The following MVB12B variants were observed in gnomAD, a reference collection of about 807,000 sequenced individuals.
MVB12B encodes the protein ESCRT-I complex subunit MVB12B.
A neutral mutation model predicts 41.6 loss-of-function variants in MVB12B; 16 were observed. The ratio of observed to expected loss-of-function variants is 0.38; its 90% CI spans 0.26 to 0.58. The LOEUF is 0.58. Ranked by LOEUF, MVB12B falls within the 20% of genes least tolerant of loss-of-function variation. The probability of loss-of-function intolerance (pLI) is 0.62; values close to 1 mark genes in which losing one functional copy is unlikely to be tolerated. For missense variants in MVB12B, 274 were observed against 380.2 expected, an observed-to-expected ratio of 0.72 and a Z score of 2.32; for synonymous variants, 133 against 139.7, an observed-to-expected ratio of 0.95 and a Z score of 0.34.
At chr9:126,502,992 A>G (rs28562924) in intron 9 of MVB12B, among the ~76,000 whole-genome samples, 185 bp from the exon 10 acceptor site, 39,988 of 152,146 alleles carry the variant, frequency 0.26, 5,342 homozygotes, top group South Asian at 0.29. Context: ...CACACACGCC[A>G]CATGCACAGT....
intron 2 of MVB12B, among the ~76,000 whole-genome samples, chr9:126,344,682 C>T (rs916402601): frequency 4.6e-5 from 7 of 152,242 alleles, no homozygotes; most frequent in Non-Finnish European, 8.8e-5. Context: ...TCCTTTTGTG[C>T]TGCCATGACG....
intron 7 of MVB12B, among the ~76,000 whole-genome samples, chr9:126,442,612 G>A (rs1832667366): frequency 6.6e-6 from 1 of 152,146 alleles, no homozygotes; most frequent in Non-Finnish European, 1.5e-5. Flanking sequence ...TTCCAATTTG[G>A]TGACCGTGGA....
Position 126,391,918 on chromosome 9 carries a change from CG to C in MVB12B, c.410-146del. 1 of 904,354 alleles carries C rather than the reference CG, an allele frequency of 1.1e-6. No individual in the cohort carries two copies. The highest frequency in any genetic ancestry group is 1.7e-5 in the African/African-American group (1 of 60,420). 56.0% of individuals were successfully genotyped at this position (904,354 alleles called of 1,614,324 possible). Reference sequence around the variant, plus strand: ...TGACTGCAGCCCCGGGGAAGGCAGGCGGCAGAGCGCAGCCCTTCTGTCCAGC... The same window carrying C: ...TGACTGCAGCCCCGGGGAAGGCAGGCGCAGAGCGCAGCCCTTCTGTCCAGC... On this transcript the variant is annotated intron_variant, in intron 4 of 9. Coordinates refer to ENST00000361171, the MANE Select transcript of MVB12B (RefSeq NM_033446.3). This position sits in a 1 kb window ranked among gnomAD's most constrained non-coding sequence, Gnocchi z 4.4.
intron 2 of MVB12B, among the ~76,000 whole-genome samples, chr9:126,347,060 C>G (rs998676829): frequency 1.3e-5 from 2 of 152,090 alleles, no homozygotes; most frequent in African/African-American, 4.8e-5. Context: ...GATGCCATGA[C>G]TCCCTTTGTT....
chr9:126,466,314 G>A (rs1345742651), intron 7 of MVB12B, among the ~76,000 whole-genome samples: 2 of 152,104 alleles, frequency 1.3e-5, no homozygotes, highest in Non-Finnish European at 2.9e-5. Context: ...CTGTGTACTT[G>A]GCCGACCCAG....
intron 6 of MVB12B, among the ~76,000 whole-genome samples, chr9:126,410,669 G>A (rs1463294597): frequency 6.6e-6 from 1 of 152,058 alleles, no homozygotes; most frequent in Non-Finnish European, 1.5e-5. Flanking sequence ...TCTGACTCCC[G>A]GAGCCTCCGT....
intron 9 of MVB12B, among the ~76,000 whole-genome samples, chr9:126,500,700 C>T (rs554200432): frequency 6.6e-5 from 10 of 152,356 alleles, no homozygotes; most frequent in African/African-American, 1.7e-4. Context: ...TAACTATCCA[C>T]GCCGTAGGCC....
intron 6 of MVB12B, among the ~76,000 whole-genome samples, chr9:126,421,152 G>A (rs549628446): frequency 6.6e-6 from 1 of 152,256 alleles, no homozygotes; most frequent in East Asian, 1.9e-4. Context: ...CAAATGGATT[G>A]TTTACTTTTG....
chr9:126,339,431 A>G (rs1829376065), intron 1 of MVB12B, among the ~76,000 whole-genome samples: 1 of 152,110 alleles, frequency 6.6e-6, no homozygotes, highest in Admixed American at 6.5e-5. Context: ...TGTCCTTTTA[A>G]AAGTACTTAG....
In MVB12B at chr9:126,419,161, G is replaced by A. The variant is rs142311774; in HGVS notation, c.663-2693G>A. Among the ~76,000 whole-genome samples, 57 of 152,208 alleles carry A rather than the reference G, an allele frequency of 3.7e-4. 1 individual carries two copies. The highest frequency in any genetic ancestry group is 1.1e-3 in the African/African-American group (46 of 41,516). On this transcript the variant is annotated intron_variant, in intron 6 of 9. Transcript: ENST00000361171. ...GCTTCTAGCTCCTGGAGTGTTTACC[G>A]CACTGCACAAATCGCTCTGCATCCT...
chr9:126,494,531 T>C (rs985457453), intron 9 of MVB12B, among the ~76,000 whole-genome samples: 1 of 152,248 alleles, frequency 6.6e-6, no homozygotes, highest in Non-Finnish European at 1.5e-5. Flanking sequence ...TCTCGCCTTT[T>C]GCATGTCCTT....
intron 6 of MVB12B, among the ~76,000 whole-genome samples, chr9:126,409,147 A>G (rs1196046052): frequency 6.6e-6 from 1 of 152,032 alleles, no homozygotes; most frequent in African/African-American, 2.4e-5. Flanking sequence ...TTTTGAACCC[A>G]AGAGTTAAAT....
At chr9:126,491,113 C>T (rs934737162) in intron 9 of MVB12B, among the ~76,000 whole-genome samples, 2 of 152,112 alleles carry the variant, frequency 1.3e-5, no homozygotes, top group Admixed American at 1.3e-4. Flanking sequence ...AGCTTGGGGC[C>T]GATTCCACTA....
At chr9:126,364,193 A>G (rs1000400659) in intron 2 of MVB12B, among the ~76,000 whole-genome samples, 1 of 152,228 alleles carries the variant, frequency 6.6e-6, no homozygotes, top group Non-Finnish European at 1.5e-5. Context: ...ACAGCTGGCA[A>G]TGTGCTTTGA....
intron 9 of MVB12B, among the ~76,000 whole-genome samples, chr9:126,493,522 A>G (rs904452107): frequency 2.6e-5 from 4 of 152,174 alleles, no homozygotes; most frequent in East Asian, 1.9e-4. Context: ...TCACAGGACT[A>G]TTCTTCCAGT....
At chr9:126,483,167 A>G (rs936551927) in intron 8 of MVB12B, among the ~76,000 whole-genome samples, 1 of 152,086 alleles carries the variant, frequency 6.6e-6, no homozygotes, top group Non-Finnish European at 1.5e-5. Context: ...CCTTCTGGGG[A>G]GCACAGAACA....
rs1834021064 is a variant in MVB12B, at chr9:126,504,227, T to G, written c.*964T>G. 6.6e-6 allele frequency: 1 copy of G among 152,204 alleles called. No homozygotes were observed. Among genetic ancestry groups the G allele is most frequent in the Non-Finnish European group, 1.5e-5 (1 of 68,036 alleles). The allele number at this position is 152,204 out of a possible 1,614,324, so 9.4% of individuals were successfully genotyped here. A position where few individuals can be genotyped will look rare whatever the true frequency, so the allele number is the denominator to read the frequency against. On this transcript the variant is annotated 3_prime_UTR_variant, in exon 10 of 10. Coordinates refer to ENST00000361171, the MANE Select transcript of MVB12B (RefSeq NM_033446.3). The stretch of plus-strand genomic sequence containing the variant: ...GTCCCTCTGACCCAGGTCACCAAAT[T>G]TGGGCCAGAACTGGCACTTCCGAGT...
intron 1 of MVB12B, among the ~76,000 whole-genome samples, chr9:126,337,518 T>A (rs1303205772): frequency 6.6e-6 from 1 of 152,216 alleles, no homozygotes; most frequent in Non-Finnish European, 1.5e-5. Context: ...GTGTTGAAAC[T>A]GCTTTCTCAA....
intron 2 of MVB12B, among the ~76,000 whole-genome samples, chr9:126,371,124 G>T (rs926622065): frequency 6.6e-6 from 1 of 152,172 alleles, no homozygotes; most frequent in African/African-American, 2.4e-5. Flanking sequence ...TGGCAGTGCC[G>T]TGGTAGACCA....
Sources: allele counts gnomAD v4.1 joint callset (sites outside exome capture counted in the v4.1 genomes callset), GRCh38; gene constraint gnomAD v4.1.1; non-coding constraint Gnocchi (gnomAD v3.1); transcripts MANE v1.5; gene names NCBI Gene and HGNC (gene_info 2026-07-23, HGNC 2026-07-21).